NCOA1: variants seen among roughly 807,000 people sequenced by gnomAD.
NCOA1 encodes Hin-2 protein.
In NCOA1, 35 loss-of-function variants were observed where a neutral mutation model predicts 150.9. The observed-to-expected ratio is 0.23, with a 90% CI of 0.18 to 0.31. NCOA1 has a LOEUF of 0.31. Among genes scored for constraint, NCOA1 ranks in the 10% least tolerant of loss-of-function variants. NCOA1 has a pLI of 1.00. For synonymous variants in NCOA1, 590 were observed against 630.0 expected, an observed-to-expected ratio of 0.94 and a Z score of 0.95; for missense variants, 1,491 against 1,749.3, an observed-to-expected ratio of 0.85 and a Z score of 2.63.
intron 3 of NCOA1, among the ~76,000 whole-genome samples, chr2:24,615,139 A>G (rs1466811629): frequency 6.6e-6 from 1 of 152,216 alleles, no homozygotes; most frequent in African/African-American, 2.4e-5. Flanking sequence ...AATTTTATTG[A>G]TTCCCAAAGG....
chr2:24,521,804 C>T (rs754549002), intron 1 of NCOA1, among the ~76,000 whole-genome samples: 4 of 152,064 alleles, frequency 2.6e-5, no homozygotes, highest in Non-Finnish European at 5.9e-5. Flanking sequence ...AGGAACCTCC[C>T]TACTATTTTT....
At chr2:24,665,418 A>T (rs1671376515) in intron 5 of NCOA1, among the ~76,000 whole-genome samples, 1 of 152,218 alleles carries the variant, frequency 6.6e-6, no homozygotes, top group East Asian at 1.9e-4. Flanking sequence ...AATATAAAGT[A>T]GTTCCAAATG....
intron 1 of NCOA1, among the ~76,000 whole-genome samples, chr2:24,532,072 A>G (rs908039506): frequency 6.6e-6 from 1 of 152,220 alleles, no homozygotes; most frequent in Non-Finnish European, 1.5e-5. Flanking sequence ...CACTCCCACC[A>G]ACAGTGTAAA....
intron 1 of NCOA1, among the ~76,000 whole-genome samples, chr2:24,560,714 A>G (rs1406848939): frequency 6.6e-6 from 1 of 152,160 alleles, no homozygotes. Flanking sequence ...TTGCAGGCCC[A>G]TTGAAACCCT....
intron 9 of NCOA1, among the ~76,000 whole-genome samples, chr2:24,692,891 C>T (rs963534417): frequency 5.3e-5 from 8 of 152,192 alleles, no homozygotes; most frequent in Admixed American, 1.3e-4. Flanking sequence ...GACGGAGTCT[C>T]GCTCTGTGGC....
chr2:24,583,576 GAA>G (rs1158500329), intron 2 of NCOA1, among the ~76,000 whole-genome samples: 13 of 152,180 alleles, frequency 8.5e-5, no homozygotes, highest in African/African-American at 3.1e-4. Flanking sequence ...ACAGTATGTC[GAA>G]GAGATATCTA....
At chr2:24,695,212 T>A (rs1672842398) in intron 10 of NCOA1, among the ~76,000 whole-genome samples, 1 of 152,148 alleles carries the variant, frequency 6.6e-6, no homozygotes, top group Non-Finnish European at 1.5e-5. Context: ...CCTGGTAATA[T>A]GTATAAATAT....
At chr2:24,596,342 T>G (rs1206848259) in intron 3 of NCOA1, among the ~76,000 whole-genome samples, 1 of 152,120 alleles carries the variant, frequency 6.6e-6, no homozygotes, top group Non-Finnish European at 1.5e-5. Flanking sequence ...TTGGGAAATG[T>G]TTTTCTGATT....
chr2:24,503,250 A>G (rs748619476), intron 1 of NCOA1, among the ~76,000 whole-genome samples: 9 of 152,162 alleles, frequency 5.9e-5, no homozygotes, highest in East Asian at 5.8e-4. Context: ...GTGTTGTTCT[A>G]CAACATAAGA....
chr2:24,672,463 T>G (rs545593303), intron 6 of NCOA1, among the ~76,000 whole-genome samples: 1 of 152,282 alleles, frequency 6.6e-6, no homozygotes, highest in South Asian at 2.1e-4. Context: ...GGCACAATTA[T>G]AGCCCACCGC....
intron 7 of NCOA1, among the ~76,000 whole-genome samples, chr2:24,682,222 A>G (rs1225003066): frequency 1.3e-5 from 2 of 152,172 alleles, no homozygotes; most frequent in African/African-American, 4.8e-5. Flanking sequence ...GTAAGCTGCA[A>G]CATGTTGCAA....
intron 3 of NCOA1, among the ~76,000 whole-genome samples, chr2:24,603,414 CT>C: frequency 6.6e-6 from 1 of 152,156 alleles, no homozygotes; most frequent in South Asian, 2.1e-4. Context: ...CAAAAGATTT[CT>C]CTGTAACGTG....
Position 24,494,526 on chromosome 2 carries a change from T to C in NCOA1, c.-396+2924T>C, listed in dbSNP as rs1359737653. Among the ~76,000 whole-genome samples, 4 of 152,298 alleles carry C rather than the reference T, an allele frequency of 2.6e-5. No homozygotes were observed. In the East Asian group the frequency reaches 7.7e-4, roughly 29 times the overall value. On this transcript the variant is annotated intron_variant, in intron 1 of 22. Coordinates refer to ENST00000348332, the MANE Select transcript of NCOA1 (RefSeq NM_003743.5). ...ACAACACGGAGTAAAATCTAAGTCA[T>C]GGAGCATAGGAGATCCCCGGGACGC...
intron 22 of NCOA1, among the ~76,000 whole-genome samples, chr2:24,763,836 G>A (rs532835533): frequency 7.3e-5 from 11 of 151,656 alleles, no homozygotes; most frequent in African/African-American, 1.9e-4. Context: ...TGACCAGGCC[G>A]GTCTCGAACT....
At position 24,554,442 on chromosome 2, in the gene NCOA1, A is replaced by T. The variant is rs2148233458; in HGVS notation, c.-395-9853A>T. ...AGAAAGGAAAACAGCTCTCTCTCTA[A>T]TGAGAGAGAGGGGACTTCGGAGAGG... On this transcript the variant is annotated intron_variant, in intron 1 of 22. Transcript: ENST00000348332. The T allele has an allele frequency of 2.0e-5, 3 of 152,054 alleles. 1 individual carries two copies. The Middle Eastern group carries it at 0.01, about 517-fold the overall frequency. 9.4% of individuals were successfully genotyped at this position (152,054 alleles called of 1,614,324 possible).
At chr2:24,562,081 A>G (rs1666316381) in intron 1 of NCOA1, among the ~76,000 whole-genome samples, 1 of 152,330 alleles carries the variant, frequency 6.6e-6, no homozygotes, top group South Asian at 2.1e-4. Flanking sequence ...TACTATTATT[A>G]AAGGGGGAGA....
At chr2:24,493,351 T>C (rs1426004794) in intron 1 of NCOA1, among the ~76,000 whole-genome samples, 2 of 152,224 alleles carry the variant, frequency 1.3e-5, no homozygotes. Flanking sequence ...TGGGAATATA[T>C]GGTTTAGAGA....
chr2:24,706,782 C>T lies in NCOA1; in HGVS notation c.1312C>T (p.Gln438Ter), dbSNP rs1238759578. Reference protein sequence around the residue: ...SSSHSNSSNSQGSFGCSPGSQ... With the variant: ...SSSHSNSSNS Reference sequence around the variant, plus strand: ...CAGTCATAGTAATTCTAGCAACAGCCAAGGAAGTTTCGGATGCTCACCCGG... The same window carrying T: ...CAGTCATAGTAATTCTAGCAACAGCTAAGGAAGTTTCGGATGCTCACCCGG... The change falls in exon 13 of 23, where the codon CAA becomes TAA. Residue 438 changes from glutamine to a stop codon, truncating the protein, a stop_gained. Transcript: ENST00000348332. LOFTEE classifies it high-confidence loss of function. 1 of 1,614,032 alleles carries T rather than the reference C, an allele frequency of 6.2e-7. No homozygotes were observed. The highest frequency in any genetic ancestry group is 8.5e-7 in the Non-Finnish European group (1 of 1,180,032).
Position 24,758,072 on chromosome 2 carries a change from T to C in NCOA1, c.3981T>C (p.Asn1327=). Residue 1327 remains asparagine (N), a synonymous_variant, in exon 21 of 23, where the codon AAT becomes AAC. Transcript: ENST00000348332. The stretch of plus-strand genomic sequence containing the variant: ...TTTCCATGGCAGGTGGAAATACGAA[T>C]GTTCAGAACATGAACCCAATGATGG... ...ITVSMAGGNT[N]VQNMNPMMAQ... 1 of 1,614,118 alleles carries C rather than the reference T, an allele frequency of 6.2e-7. No homozygotes were observed. The highest frequency in any genetic ancestry group is 1.1e-5 in the South Asian group (1 of 91,088).
Sources: allele counts gnomAD v4.1 joint callset (sites outside exome capture counted in the v4.1 genomes callset), GRCh38; gene constraint gnomAD v4.1.1; transcripts MANE v1.5; gene names NCBI Gene and HGNC (gene_info 2026-07-23, HGNC 2026-07-21).